Variants in RBFOX1 observed in about 807,000 individuals in gnomAD.
RBFOX1 encodes RNA binding fox-1 homolog 1.
In RBFOX1, 8 loss-of-function variants were observed where a neutral mutation model predicts 57.7. The ratio of observed to expected loss-of-function variants is 0.14; its 90% CI spans 0.08 to 0.25. The LOEUF (loss-of-function observed/expected upper bound fraction) is 0.25. RBFOX1 is among the 10% of genes least tolerant of loss of function. The probability of loss-of-function intolerance (pLI) is 1.00; values close to 1 mark genes in which losing one functional copy is unlikely to be tolerated. For synonymous variants in RBFOX1, 326 were observed against 222.4 expected, an observed-to-expected ratio of 1.47 and a Z score of -4.15; for missense variants, 611 against 548.5, an observed-to-expected ratio of 1.11 and a Z score of -1.14.
chr16:6,802,798 C>T (rs745614622), intron 3 of RBFOX1, among the ~76,000 whole-genome samples: 2 of 152,194 alleles, frequency 1.3e-5, no homozygotes, highest in Non-Finnish European at 2.9e-5. Context: ...TTGAAGTAGG[C>T]TGACCCAAAA....
chr16:7,476,000 C>T (rs1019481559), intron 4 of RBFOX1, among the ~76,000 whole-genome samples: 3 of 152,074 alleles, frequency 2.0e-5, no homozygotes, highest in African/African-American at 7.2e-5. Context: ...GGGTCTCACT[C>T]TGTCACCCAG....
intron 3 of RBFOX1, among the ~76,000 whole-genome samples, chr16:5,607,692 T>C (rs2047634645): frequency 6.6e-6 from 1 of 152,180 alleles, no homozygotes; most frequent in African/African-American, 2.4e-5. Flanking sequence ...GGCTCCCTCA[T>C]ACTTCTCTCT....
chr16:6,937,248 C>A (rs908439436), intron 3 of RBFOX1, among the ~76,000 whole-genome samples: 1 of 151,984 alleles, frequency 6.6e-6, no homozygotes, highest in Non-Finnish European at 1.5e-5. Flanking sequence ...TACTCAGATA[C>A]CCAGATTCAA....
chr16:7,367,885 TACAC>T (rs34277471), intron 4 of RBFOX1, among the ~76,000 whole-genome samples: 1,998 of 148,424 alleles, frequency 0.013, 28 homozygotes, highest in South Asian at 0.051. Context: ...CATGCGTGCA[TACAC>T]ACACACACAC....
intron 3 of RBFOX1, among the ~76,000 whole-genome samples, chr16:6,973,657 C>G (rs575469251): frequency 6.6e-6 from 1 of 152,236 alleles, no homozygotes; most frequent in South Asian, 2.1e-4. Context: ...GGACCATTGA[C>G]TGAAAAATAA....
At chr16:6,278,183 T>C (rs2152691545) in intron 1 of RBFOX1, among the ~76,000 whole-genome samples, 1 of 152,204 alleles carries the variant, frequency 6.6e-6, no homozygotes, top group Non-Finnish European at 1.5e-5. Context: ...GGCAGGTACT[T>C]TGTGACCACG....
intron 1 of RBFOX1, among the ~76,000 whole-genome samples, chr16:6,276,485 T>A (rs1382488848): frequency 6.6e-6 from 1 of 151,976 alleles, no homozygotes; most frequent in Non-Finnish European, 1.5e-5. Flanking sequence ...ATTACAGGAG[T>A]GTGCCACCAT....
chr16:6,846,675 A>G (rs1425228525), intron 3 of RBFOX1, among the ~76,000 whole-genome samples: 1 of 152,202 alleles, frequency 6.6e-6, no homozygotes, highest in East Asian at 1.9e-4. Flanking sequence ...AACCAATAAA[A>G]TTTCATGAAT....
rs571243903 is a variant in RBFOX1, at chr16:6,994,514, C to G, written c.-15-57543C>G. Among the ~76,000 whole-genome samples, 11 of 152,158 alleles carry G rather than the reference C, an allele frequency of 7.2e-5. No homozygotes were observed. The South Asian group carries it at 2.1e-3, about 29-fold the overall frequency. ...AGTTTTTAGGTAAACAACAAGTGACCGATTTTCTTGCATTTTTTAATAGAA... is the reference window on the plus strand; with the variant it reads ...AGTTTTTAGGTAAACAACAAGTGACGGATTTTCTTGCATTTTTTAATAGAA... On this transcript the variant is annotated intron_variant, in intron 3 of 15. Transcript: ENST00000550418.
At chr16:6,120,315 G>T (rs1330448590) in intron 1 of RBFOX1, among the ~76,000 whole-genome samples, 3 of 152,228 alleles carry the variant, frequency 2.0e-5, no homozygotes, top group African/African-American at 7.2e-5. Flanking sequence ...GCTGGATCAT[G>T]CAGTAGCTCT....
intron 1 of RBFOX1, among the ~76,000 whole-genome samples, chr16:5,393,968 C>T (rs2066481052): frequency 6.6e-6 from 1 of 152,192 alleles, no homozygotes; most frequent in African/African-American, 2.4e-5. Flanking sequence ...TGGAATCATA[C>T]CGTATTTGTC....
chr16:5,581,271 G>C (rs146037232), intron 2 of RBFOX1, among the ~76,000 whole-genome samples: 40 of 152,304 alleles, frequency 2.6e-4, no homozygotes, highest in Admixed American at 2.6e-3. Context: ...ACTGTGCTAA[G>C]TTCTACAAGG....
intron 4 of RBFOX1, among the ~76,000 whole-genome samples, chr16:7,121,906 G>T (rs917849308): frequency 6.6e-6 from 1 of 151,234 alleles, no homozygotes; most frequent in African/African-American, 2.4e-5. Context: ...CTTAGAAAAG[G>T]TACAAAATCA....
chr16:7,365,041 C>T (rs146262587), intron 4 of RBFOX1, among the ~76,000 whole-genome samples: 2 of 152,208 alleles, frequency 1.3e-5, no homozygotes, highest in African/African-American at 2.4e-5. Flanking sequence ...TCCGTCTGTC[C>T]GTCGTCTATC....
At chr16:7,230,189 A>G (rs4277360) in intron 4 of RBFOX1, among the ~76,000 whole-genome samples, 15,048 of 143,932 alleles carry the variant, frequency 0.1, 867 homozygotes, top group Middle Eastern at 0.14. Flanking sequence ...TTTTTTTTTA[A>G]TTGGACATCT....
intron 4 of RBFOX1, among the ~76,000 whole-genome samples, chr16:7,492,020 C>T (rs1031320758): frequency 1.3e-5 from 2 of 152,152 alleles, no homozygotes; most frequent in African/African-American, 4.8e-5. Context: ...ACTTTGTTCA[C>T]ATTTCCAGCA....
chr16:7,537,174 G>C (rs2081670110), intron 5 of RBFOX1, among the ~76,000 whole-genome samples: 1 of 147,870 alleles, frequency 6.8e-6, no homozygotes, highest in Non-Finnish European at 1.5e-5. Context: ...GGAAGTGGCA[G>C]AAAGGACTGC....
At chr16:6,683,325 G>A (rs1442806080) in intron 3 of RBFOX1, among the ~76,000 whole-genome samples, 3 of 152,110 alleles carry the variant, frequency 2.0e-5, no homozygotes, top group African/African-American at 7.2e-5. Flanking sequence ...CTGGGCATTA[G>A]ATTTAATTTT....
chr16:6,902,637 G>T (rs2068768707), intron 3 of RBFOX1, among the ~76,000 whole-genome samples: 2 of 152,142 alleles, frequency 1.3e-5, no homozygotes, highest in African/African-American at 2.4e-5. Flanking sequence ...AAGGAGAATT[G>T]CTTGAACCCA....
Sources: allele counts gnomAD v4.1 joint callset (sites outside exome capture counted in the v4.1 genomes callset), GRCh38; gene constraint gnomAD v4.1.1; transcripts MANE v1.5; gene names NCBI Gene and HGNC (gene_info 2026-07-23, HGNC 2026-07-21).